Variants in CIB1 observed in about 807,000 individuals in gnomAD.
CIB1 encodes the protein calcium and integrin-binding protein 1.
Under a neutral mutation model 25.0 loss-of-function variants are expected in CIB1, and 19 were observed. The ratio of observed to expected loss-of-function variants is 0.76; its 90% CI spans 0.53 to 1.12. CIB1 has a LOEUF of 1.12. CIB1 is among the 50% of genes most tolerant of loss of function. The pLI, the probability that CIB1 is intolerant of heterozygous loss-of-function variation, is 0.00. For missense variants in CIB1, 236 were observed against 242.6 expected (o/e 0.97, Z 0.18); for synonymous variants, 104 against 98.5 (o/e 1.06, Z -0.33).
At chr15:90,237,020 G>A (rs988350789), upstream of CIB1, among the ~76,000 whole-genome samples, 151 of 149,826 alleles carry the variant, frequency 1.0e-3, no homozygotes, top group African/African-American at 3.6e-3. Context: ...GTGCAGTGGT[G>A]CGATCTTAGC....
At chr15:90,248,204 T>A in the CIB1 span, among the ~76,000 whole-genome samples, 1,225 of 152,294 alleles carry the variant, frequency 8.0e-3, 26 homozygotes, top group African/African-American at 0.028. Flanking sequence ...CTAGCCTTGC[T>A]GATTCTATGA....
the CIB1 span, among the ~76,000 whole-genome samples, chr15:90,248,622 G>C: frequency 2.0e-5 from 3 of 150,780 alleles, no homozygotes; most frequent in African/African-American, 7.3e-5. Context: ...CGCTGAAGTG[G>C]GAGGATTGCT....
At chr15:90,258,003 G>T in the CIB1 span, 1 of 1,600,840 alleles carries the variant, frequency 6.2e-7, no homozygotes, top group African/African-American at 1.3e-5. Flanking sequence ...CAGTGGCCTA[G>T]AAACTGGCCT....
At position 90,231,598 on chromosome 15, in the gene CIB1, C is replaced by T. The variant is rs965636782; in HGVS notation, c.196-91G>A. The T allele has an allele frequency of 6.8e-6, 10 of 1,461,768 alleles. No individual in the cohort carries two copies. In the African/African-American group the frequency reaches 1.3e-4, roughly 18 times the overall value. 90.5% of individuals were successfully genotyped at this position (1,461,768 alleles called of 1,614,324 possible). On this transcript the variant is annotated intron_variant, in intron 3 of 6. Transcript: ENST00000328649. ...GAGAGAGCAGGTCACAGGACCAGCACCAGCGAGCTCAGCCTCGTGGGGGTG... is the reference window on the plus strand; with the variant it reads ...GAGAGAGCAGGTCACAGGACCAGCATCAGCGAGCTCAGCCTCGTGGGGGTG...
At chr15:90,245,378 C>G in the CIB1 span, 7 of 149,844 alleles carry the variant, frequency 4.7e-5, no homozygotes, top group Admixed American at 4.8e-4. Flanking sequence ...GAGGCTGAGG[C>G]AGGAGAATCG....
At chr15:90,255,974 C>A in the CIB1 span, 1 of 1,594,408 alleles carries the variant, frequency 6.3e-7, no homozygotes, top group Non-Finnish European at 8.6e-7. Flanking sequence ...AGGAATGTCT[C>A]AGAGGGATGG....
chr15:90,232,499 C>G (rs929442127), intron 2 of CIB1, 172 bp from the exon 3 acceptor site: 11 of 1,078,806 alleles, frequency 1.0e-5, no homozygotes, highest in Non-Finnish European at 1.4e-5. Flanking sequence ...CAAGGCAGTA[C>G]AGCCTAGGAG....
chr15:90,256,326 T>TC, the CIB1 span: 6 of 1,613,726 alleles, frequency 3.7e-6, no homozygotes, highest in Non-Finnish European at 5.1e-6. Flanking sequence ...CCATCAGCCT[T>TC]CCCTAGTCCC....
At chr15:90,253,176 T>C in the CIB1 span, 1 of 1,306,310 alleles carries the variant, frequency 7.7e-7, no homozygotes, top group Non-Finnish European at 1.1e-6. Flanking sequence ...ATACCTTACC[T>C]GACCCAGCTA....
At chr15:90,253,483 CA>C in the CIB1 span, 2 of 574,912 alleles carry the variant, frequency 3.5e-6, no homozygotes, top group Non-Finnish European at 6.0e-6. Context: ...CTTGTGCAGA[CA>C]AGAAAGACCA....
rs1306735219 is a variant in CIB1, at chr15:90,231,155, G to A, written c.405C>T (p.Leu135=). ...GCCGTGTGTCCTCGCCCTCTCCCGTGAGGCAGTTCACCAGCCGGCTCAGGT... is the reference window on the plus strand; with the variant it reads ...GCCGTGTGTCCTCGCCCTCTCCCGTAAGGCAGTTCACCAGCCGGCTCAGGT... ...REDLSRLVNC[L]TGEGEDTRLS... The change falls in exon 5 of 7, where the codon CTC becomes CTT. Residue 135 remains leucine (L), a synonymous_variant. Coordinates refer to ENST00000328649, the MANE Select transcript of CIB1 (RefSeq NM_006384.4). 2 of 1,614,176 alleles carry A rather than the reference G, an allele frequency of 1.2e-6. No individual in the cohort carries two copies. The highest frequency in any genetic ancestry group is 2.2e-5 in the East Asian group (1 of 44,886).
At chr15:90,258,074 C>A in the CIB1 span, 4 of 1,614,220 alleles carry the variant, frequency 2.5e-6, no homozygotes, top group Non-Finnish European at 3.4e-6. Context: ...TGCAAGAGCA[C>A]AGCTACAACC....
intron 2 of CIB1, 81 bp from the exon 3 acceptor site, chr15:90,232,408 A>G: frequency 6.7e-7 from 1 of 1,488,094 alleles, no homozygotes; most frequent in Non-Finnish European, 9.0e-7. Flanking sequence ...CCTGCTGCTC[A>G]TTGTCAACCA....
the CIB1 span, chr15:90,263,514 T>C: frequency 1.5e-5 from 8 of 526,156 alleles, no homozygotes; most frequent in East Asian, 6.0e-5. Context: ...CCAGCTCTAA[T>C]GGGAGATAAG....
At chr15:90,263,503 C>T in the CIB1 span, 10 of 517,650 alleles carry the variant, frequency 1.9e-5, no homozygotes, top group East Asian at 2.7e-4. Flanking sequence ...CTGCCAGTGC[C>T]CCAGCTCTAA....
chr15:90,230,506 C>G lies in CIB1; in HGVS notation c.555-1G>C, dbSNP rs1962449915. 1 of 1,551,544 alleles carries G rather than the reference C, an allele frequency of 6.4e-7. No homozygotes were observed. The highest frequency in any genetic ancestry group is 2.0e-5 in the Admixed American group (1 of 50,970). On this transcript the variant is annotated splice_acceptor_variant, in intron 6 of 6. Coordinates refer to ENST00000328649, the MANE Select transcript of CIB1 (RefSeq NM_006384.4). LOFTEE classifies it high-confidence loss of function. The stretch of plus-strand genomic sequence containing the variant: ...CTGTCACAGGACAATCTTAAAGGAG[C>G]TGAACAAGAGAAAAGCGGTGGGTTT...
At chr15:90,259,042 A>C in the CIB1 span, 2 of 1,563,286 alleles carry the variant, frequency 1.3e-6, no homozygotes, top group South Asian at 1.2e-5. Flanking sequence ...AACTTTTTGC[A>C]TAGATAATAT....
the CIB1 span, among the ~76,000 whole-genome samples, chr15:90,256,605 CTT>C: frequency 2.4e-4 from 7 of 28,760 alleles, no homozygotes; most frequent in African/African-American, 9.1e-4. Context: ...TTCTTTCTTT[CTT>C]TCCTTCCTTC....
At chr15:90,233,980 G>A, upstream of CIB1, 2 of 1,351,154 alleles carry the variant, frequency 1.5e-6, no homozygotes, top group South Asian at 1.5e-5. Flanking sequence ...CGGTCCCCGC[G>A]GCAACCGCTC....
Sources: gnomAD v4.1 joint callset for allele counts (sites outside exome capture counted in the v4.1 genomes callset) on GRCh38, gnomAD v4.1.1 for gene constraint, MANE v1.5 for transcripts, NCBI Gene and HGNC (gene_info 2026-07-23, HGNC 2026-07-21) for gene names.